The following KCNB2 variants were observed in gnomAD, a reference collection of about 807,000 sequenced individuals.
KCNB2 encodes the protein potassium voltage-gated channel subfamily B member 2.
Under a neutral mutation model 61.5 loss-of-function variants are expected in KCNB2, and 15 were observed. The observed-to-expected ratio is 0.24, with a 90% CI of 0.16 to 0.38. The LOEUF (loss-of-function observed/expected upper bound fraction) is 0.38, where lower values mean the gene tolerates loss of function less well. Among genes scored for constraint, KCNB2 ranks in the 10% least tolerant of loss-of-function variants. The pLI is 1.00. For missense variants in KCNB2, 828 were observed against 1,125.2 expected, an observed-to-expected ratio of 0.74 and a Z score of 3.78; for synonymous variants, 457 against 446.0, an observed-to-expected ratio of 1.02 and a Z score of -0.31.
At chr8:72,828,442 A>AT (rs914304345) in intron 2 of KCNB2, among the ~76,000 whole-genome samples, 1 of 151,948 alleles carries the variant, frequency 6.6e-6, no homozygotes, top group African/African-American at 2.4e-5. Flanking sequence ...GGGTACCTGG[A>AT]TTTTTTTTAA....
intron 2 of KCNB2, among the ~76,000 whole-genome samples, chr8:72,569,365 T>C (rs1012122657): frequency 1.2e-4 from 19 of 152,174 alleles, no homozygotes; most frequent in African/African-American, 3.9e-4. Flanking sequence ...ATAGAACATA[T>C]GAGATTTTTG....
chr8:72,838,597 C>T (rs1269459554), intron 2 of KCNB2, among the ~76,000 whole-genome samples: 6 of 152,160 alleles, frequency 3.9e-5, no homozygotes, highest in African/African-American at 1.4e-4. Context: ...TTTATAGCAG[C>T]ATGATTTATA....
chr8:72,801,029 C>T (rs534038882), intron 2 of KCNB2, among the ~76,000 whole-genome samples: 3 of 152,246 alleles, frequency 2.0e-5, no homozygotes, highest in Non-Finnish European at 2.9e-5. Flanking sequence ...ACTAGCGGCT[C>T]AAAATGTGAG....
At chr8:72,859,256 C>G (rs1032348685) in intron 2 of KCNB2, among the ~76,000 whole-genome samples, 1 of 152,096 alleles carries the variant, frequency 6.6e-6, no homozygotes, top group Non-Finnish European at 1.5e-5. Context: ...AGATTCCTCA[C>G]GTATAGCAAA....
intron 2 of KCNB2, among the ~76,000 whole-genome samples, chr8:72,592,055 A>C (rs922218696): frequency 7.2e-5 from 11 of 152,156 alleles, no homozygotes; most frequent in Admixed American, 6.6e-4. Flanking sequence ...GAATTATGCT[A>C]TGTCCATCTG....
intron 2 of KCNB2, among the ~76,000 whole-genome samples, chr8:72,872,309 T>C: frequency 6.6e-6 from 1 of 152,234 alleles, no homozygotes; most frequent in East Asian, 1.9e-4. Context: ...TGACCATCTT[T>C]CTCAGGCAAA....
In KCNB2 at chr8:72,841,361, C is replaced by CTTTTTTTT. The variant is rs796222096; in HGVS notation, c.580-94571_580-94564dup. ...GATACCTCCAACTTTGTTTTCTTTT[C>CTTTTTTTT]TTTTTTTTTTCTTTTTTTTTTTTTT... On this transcript the variant is annotated intron_variant, in intron 2 of 2. Coordinates refer to ENST00000523207, the MANE Select transcript of KCNB2 (RefSeq NM_004770.3). Among the ~76,000 whole-genome samples the CTTTTTTTT allele has an allele frequency of 6.0e-5, 4 of 66,190 alleles. 1 individual carries two copies. The highest frequency in any genetic ancestry group is 2.2e-4 in the African/African-American group (4 of 18,550). The allele number at this position is 66,190 out of a possible 152,430, so 43.4% of individuals were successfully genotyped here.
chr8:72,847,673 A>T (rs1810019053), intron 2 of KCNB2, among the ~76,000 whole-genome samples: 1 of 152,170 alleles, frequency 6.6e-6, no homozygotes. Flanking sequence ...TGGTTTTCTG[A>T]GACGTCATTA....
intron 2 of KCNB2, among the ~76,000 whole-genome samples, chr8:72,703,046 T>C (rs751440527): frequency 2.0e-4 from 30 of 152,230 alleles, no homozygotes; most frequent in Non-Finnish European, 1.8e-4. Flanking sequence ...GTTTTTCATC[T>C]TGCTGGAGCA....
chr8:72,708,614 T>A (rs1807273857), intron 2 of KCNB2, among the ~76,000 whole-genome samples: 2 of 152,218 alleles, frequency 1.3e-5, no homozygotes, highest in Admixed American at 1.3e-4. Flanking sequence ...TTTTACCCTT[T>A]AACAGTGGAA....
intron 2 of KCNB2, among the ~76,000 whole-genome samples, chr8:72,626,050 A>T (rs1031104216): frequency 3.9e-5 from 6 of 152,254 alleles, no homozygotes; most frequent in African/African-American, 1.4e-4. Context: ...TTCTATAGAA[A>T]GACCATTGTC....
At chr8:72,667,197 A>G (rs1190501018) in intron 2 of KCNB2, among the ~76,000 whole-genome samples, 1 of 152,206 alleles carries the variant, frequency 6.6e-6, no homozygotes, top group Non-Finnish European at 1.5e-5. Flanking sequence ...TGGAAAGCAG[A>G]TAATACTGGG....
intron 2 of KCNB2, among the ~76,000 whole-genome samples, chr8:72,830,078 C>T (rs992537645): frequency 5.9e-5 from 9 of 151,654 alleles, no homozygotes; most frequent in Non-Finnish European, 1.3e-4. Flanking sequence ...TCTTCAAAAT[C>T]GTATTTCTTC....
intron 2 of KCNB2, among the ~76,000 whole-genome samples, chr8:72,740,882 G>C (rs1190509794): frequency 6.6e-6 from 1 of 152,090 alleles, no homozygotes; most frequent in Non-Finnish European, 1.5e-5. Flanking sequence ...ATTATAAATT[G>C]TTCCATGGTT....
At chr8:72,565,645 T>TAC (rs137899039) in intron 1 of KCNB2, among the ~76,000 whole-genome samples, 92,661 of 149,836 alleles carry the variant, frequency 0.62, 29,225 homozygotes, top group Admixed American at 0.69. Context: ...TGAAGCAGAA[T>TAC]ACACACACAC....
chr8:72,685,364 A>T (rs186778528), intron 2 of KCNB2, among the ~76,000 whole-genome samples: 148 of 152,242 alleles, frequency 9.7e-4, no homozygotes, highest in African/African-American at 3.3e-3. Context: ...GGGCAGTGTT[A>T]ATTAATTCAT....
At chr8:72,853,311 G>T (rs1810152932) in intron 2 of KCNB2, among the ~76,000 whole-genome samples, 1 of 152,194 alleles carries the variant, frequency 6.6e-6, no homozygotes, top group Non-Finnish European at 1.5e-5. Flanking sequence ...GCACACAAAG[G>T]CTAGTTCCCT....
intron 2 of KCNB2, among the ~76,000 whole-genome samples, chr8:72,780,220 A>C (rs777951229): frequency 6.6e-6 from 1 of 152,174 alleles, no homozygotes; most frequent in Non-Finnish European, 1.5e-5. Flanking sequence ...AAACAACTGA[A>C]TATCTGAGGC....
rs552414392 is a variant in KCNB2, at chr8:72,789,747, C to T, written c.580-146188C>T. Among the ~76,000 whole-genome samples the T allele has an allele frequency of 2.6e-5, 4 of 152,020 alleles. No homozygotes were observed. The East Asian group carries it at 5.8e-4, about 22-fold the overall frequency. On this transcript the variant is annotated intron_variant, in intron 2 of 2. Coordinates refer to ENST00000523207, the MANE Select transcript of KCNB2 (RefSeq NM_004770.3). ...TAGGGCACTCTGATGGGTGCCCTAA[C>T]GGGGTATTCTGGCATGGAGAGGGCA...
Sources: allele counts gnomAD v4.1 joint callset (sites outside exome capture counted in the v4.1 genomes callset), GRCh38; gene constraint gnomAD v4.1.1; transcripts MANE v1.5; gene names NCBI Gene and HGNC (gene_info 2026-07-23, HGNC 2026-07-21).